PREPL: variants seen among roughly 807,000 people sequenced by gnomAD.
PREPL encodes the protein prolyl endopeptidase-like.
A neutral mutation model predicts 70.6 loss-of-function variants in PREPL; 77 were observed. The ratio of observed to expected loss-of-function variants is 1.09; its 90% confidence interval spans 0.91 to 1.32. The LOEUF is 1.32. Among genes scored for constraint, PREPL ranks in the 40% most tolerant of loss-of-function variants. PREPL has a pLI of 0.00. For synonymous variants in PREPL, 315 were observed against 264.8 expected (o/e 1.19, Z -1.84); for missense variants, 1,002 against 778.2 (o/e 1.29, Z -3.42).
At chr2:44,350,979 G>C (rs1402550493) in intron 1 of PREPL, among the ~76,000 whole-genome samples, 1 of 146,826 alleles carries the variant, frequency 6.8e-6, no homozygotes, top group Non-Finnish European at 1.5e-5. Flanking sequence ...TTTTTTGTTT[G>C]AGATGGGATT....
rs891024291 is a variant in PREPL at position 44,320,923 on chromosome 2, T to G, written c.*433A>C. ...AGATTATTCAAAAACTTTAACGAAT[T>G]TTAAGGGGAAGAATTTTATCTTTTC... On this transcript the variant is annotated 3_prime_UTR_variant, in exon 14 of 14. Coordinates refer to ENST00000409411, the MANE Select transcript of PREPL (RefSeq NM_001171613.2). The G allele has an allele frequency of 1.1e-5, 5 of 444,320 alleles. No individual in the cohort carries two copies. The highest frequency in any genetic ancestry group is 9.9e-5 in the African/African-American group (5 of 50,326). The allele number at this position is 444,320 out of a possible 1,614,324, so 27.5% of individuals were successfully genotyped here. A position where few individuals can be genotyped will look rare whatever the true frequency, so the allele number is the denominator to read the frequency against.
At chr2:44,342,588 C>A (rs375561533) in intron 4 of PREPL, 36 bp from the exon 5 acceptor site, 11 of 1,366,034 alleles carry the variant, frequency 8.1e-6, no homozygotes, top group Non-Finnish European at 8.8e-6. Context: ...TACATAATCA[C>A]CTACACTCCA....
intron 10 of PREPL, 114 bp downstream of exon 10, chr2:44,326,598 G>A (rs768235186): frequency 1.8e-6 from 2 of 1,104,716 alleles, no homozygotes; most frequent in East Asian, 2.4e-5. Context: ...GTTTCCCGAA[G>A]TGCTGGGATT....
Position 44,320,579 on chromosome 2 carries a change from C to G in PREPL, c.*777G>C. On this transcript the variant is annotated 3_prime_UTR_variant, in exon 14 of 14. Transcript: ENST00000409411. ...GCCAAACAGCTTTCAGAGATAGATG[C>G]TTTGTTTCCAATCGAGCATGCTATT... The G allele has an allele frequency of 8.7e-6, 14 of 1,614,048 alleles. No homozygotes were observed. Among genetic ancestry groups the G allele is most frequent in the Non-Finnish European group, 1.2e-5 (14 of 1,179,940 alleles).
chr2:44,360,646 T>G (rs1677635636), intron 1 of PREPL: 1 of 152,242 alleles, frequency 6.6e-6, no homozygotes, highest in African/African-American at 2.4e-5. Context: ...CTCCTACACT[T>G]AACTGTGTCT....
intron 9 of PREPL, among the ~76,000 whole-genome samples, chr2:44,327,675 A>T (rs1558489669): frequency 6.6e-6 from 1 of 152,022 alleles, no homozygotes; most frequent in African/African-American, 2.4e-5. Context: ...AGACTGGCCA[A>T]CATGGTGAAA....
At chr2:44,359,354 G>T in intron 1 of PREPL, 1 of 697,426 alleles carries the variant, frequency 1.4e-6, no homozygotes, top group South Asian at 2.0e-5. Context: ...CTTTTGACTA[G>T]AGACAATTGA....
At chr2:44,342,125 A>C (rs530742121) in intron 5 of PREPL, among the ~76,000 whole-genome samples, 1 of 152,322 alleles carries the variant, frequency 6.6e-6, no homozygotes, top group East Asian at 1.9e-4. Context: ...GTCTGTTCAC[A>C]ATCTAGCAGT....
At chr2:44,361,767 T>G (rs563470453), upstream of PREPL, 6 of 583,056 alleles carry the variant, frequency 1.0e-5, no homozygotes, top group African/African-American at 1.2e-4. Flanking sequence ...TCTCTCATCC[T>G]CTGGTCCGCC....
chr2:44,342,768 T>C (rs1353486232), intron 4 of PREPL, among the ~76,000 whole-genome samples: 1 of 152,172 alleles, frequency 6.6e-6, no homozygotes, highest in Non-Finnish European at 1.5e-5. Context: ...AGGTTTCAAG[T>C]AGTTATCAGT....
Position 44,319,999 on chromosome 2 carries a change from C to T in PREPL, c.*1357G>A, listed in dbSNP as rs1672786738. ...GCGTACTTATTGACTCCCAGACAAG[C>T]CGAAACCCCGAATTTGTCATTTCTA... is the stretch of plus-strand genomic sequence containing the variant. On this transcript the variant is annotated 3_prime_UTR_variant, in exon 14 of 14. Transcript: ENST00000409411. 2 of 576,472 alleles carry T rather than the reference C, an allele frequency of 3.5e-6. No homozygotes were observed. The highest frequency in any genetic ancestry group is 3.1e-6 in the Non-Finnish European group (1 of 326,168). The allele number at this position is 576,472 out of a possible 1,614,324, so 35.7% of individuals were successfully genotyped here.
At chr2:44,345,226 C>A (rs1675666720) in intron 2 of PREPL, among the ~76,000 whole-genome samples, 1 of 152,184 alleles carries the variant, frequency 6.6e-6, no homozygotes, top group African/African-American at 2.4e-5. Flanking sequence ...CGTTTATTAT[C>A]TGTTAGTTGG....
At chr2:44,337,593 G>A (rs147009306) in intron 7 of PREPL, among the ~76,000 whole-genome samples, 14 of 152,224 alleles carry the variant, frequency 9.2e-5, no homozygotes, top group Non-Finnish European at 1.9e-4. Context: ...CTCATCAACT[G>A]GCTCAGTAAC....
chr2:44,324,598 T>A (rs1217037323), intron 10 of PREPL, among the ~76,000 whole-genome samples: 1 of 152,126 alleles, frequency 6.6e-6, no homozygotes, highest in Admixed American at 6.5e-5. Flanking sequence ...GAAGGCTGGG[T>A]CGCACATGGT....
At chr2:44,339,066 C>A in intron 6 of PREPL, 81 bp downstream of exon 6, 1 of 1,559,890 alleles carries the variant, frequency 6.4e-7, no homozygotes, top group South Asian at 1.2e-5. Context: ...AAACAATGAG[C>A]TCTTGGAGCA....
chr2:44,329,582 C>T lies in PREPL; in HGVS notation c.1087-470G>A, dbSNP rs114143193. Among the ~76,000 whole-genome samples, 510 of 152,148 alleles carry T rather than the reference C, an allele frequency of 3.4e-3. 3 individuals carry two copies. The highest frequency in any genetic ancestry group is 0.012 in the African/African-American group (494 of 41,502). ...CTCAATTTTCTATATCCTCTGTAGT[C>T]GGAATTCTCAACCATTAAGACCTGA... On this transcript the variant is annotated intron_variant, in intron 8 of 13. Coordinates refer to ENST00000409411, the MANE Select transcript of PREPL (RefSeq NM_001171613.2).
chr2:44,343,691 A>T, intron 4 of PREPL, 54 bp downstream of exon 4: 1 of 1,520,816 alleles, frequency 6.6e-7, no homozygotes, highest in Non-Finnish European at 9.1e-7. Context: ...AAAATGTTTC[A>T]AAAGTGTTAC....
At chr2:44,357,787 C>T (rs745685525) in intron 1 of PREPL, among the ~76,000 whole-genome samples, 5 of 151,966 alleles carry the variant, frequency 3.3e-5, no homozygotes, top group African/African-American at 4.8e-5. Context: ...ATAAAATAAC[C>T]TAAAGGTCCA....
chr2:44,351,201 C>G (rs1676397519), intron 1 of PREPL, among the ~76,000 whole-genome samples: 1 of 151,698 alleles, frequency 6.6e-6, no homozygotes, highest in African/African-American at 2.4e-5. Context: ...TCCCGAAGTG[C>G]TGGGATTACA....
Sources: gnomAD v4.1 joint callset for allele counts (sites outside exome capture counted in the v4.1 genomes callset) on GRCh38, gnomAD v4.1.1 for gene constraint, MANE v1.5 for transcripts, NCBI Gene and HGNC (gene_info 2026-07-23, HGNC 2026-07-21) for gene names.